Variants in FAM222A observed in about 807,000 individuals in gnomAD.
FAM222A encodes protein FAM222A.
Under a neutral mutation model 25.8 loss-of-function variants are expected in FAM222A, and 7 were observed. The observed-to-expected ratio is 0.27, with a 90% CI of 0.15 to 0.51. FAM222A has a LOEUF of 0.51. Among genes scored for constraint, FAM222A ranks in the 20% least tolerant of loss-of-function variants. The pLI is 0.97. For synonymous variants in FAM222A, 294 were observed against 298.8 expected, an observed-to-expected ratio of 0.98 and a Z score of 0.17; for missense variants, 573 against 640.5, an observed-to-expected ratio of 0.89 and a Z score of 1.14.
chr12:109,717,857 C>T (rs1474478239), intron 1 of FAM222A, among the ~76,000 whole-genome samples: 1 of 152,190 alleles, frequency 6.6e-6, no homozygotes. Context: ...TAGGGCTGCT[C>T]TGGACTAAAC....
At chr12:109,723,470 C>T (rs1447348048) in intron 1 of FAM222A, among the ~76,000 whole-genome samples, 1 of 152,192 alleles carries the variant, frequency 6.6e-6, no homozygotes, top group Non-Finnish European at 1.5e-5. Flanking sequence ...CATTATGGTT[C>T]GCCCCACCCA....
At chr12:109,721,542 G>T (rs1244899830) in intron 1 of FAM222A, among the ~76,000 whole-genome samples, 1 of 152,144 alleles carries the variant, frequency 6.6e-6, no homozygotes, top group South Asian at 2.1e-4. Context: ...GGCAGGCAGC[G>T]CCAATCAATC....
chr12:109,729,145 A>G (rs1167507963), intron 1 of FAM222A, among the ~76,000 whole-genome samples: 1 of 152,210 alleles, frequency 6.6e-6, no homozygotes. Flanking sequence ...CACCCTCAGG[A>G]CACATCAGCC....
chr12:109,732,094 G>A (rs1887959304), intron 1 of FAM222A, among the ~76,000 whole-genome samples: 1 of 152,064 alleles, frequency 6.6e-6, no homozygotes, highest in Admixed American at 6.5e-5. Flanking sequence ...GGTTGAGAGT[G>A]CAGGTCTAGA....
At chr12:109,721,521 C>T (rs555102197) in intron 1 of FAM222A, among the ~76,000 whole-genome samples, 79 of 152,362 alleles carry the variant, frequency 5.2e-4, no homozygotes, top group Admixed American at 9.1e-4. Flanking sequence ...TGGGTTCCTT[C>T]CAGGGCTCTG....
At chr12:109,765,460 C>T (rs570961273) in intron 2 of FAM222A, among the ~76,000 whole-genome samples, 12 of 152,334 alleles carry the variant, frequency 7.9e-5, no homozygotes, top group African/African-American at 2.2e-4. Flanking sequence ...TCTCTCCTCC[C>T]GAGTCATTTG....
chr12:109,757,951 G>A (rs1002385086), intron 2 of FAM222A, among the ~76,000 whole-genome samples: 1 of 152,212 alleles, frequency 6.6e-6, no homozygotes, highest in Non-Finnish European at 1.5e-5. Context: ...AGAGTAAGGT[G>A]TGGGCTCCCA....
At chr12:109,726,842 C>T (rs370440808) in intron 1 of FAM222A, among the ~76,000 whole-genome samples, 2 of 152,150 alleles carry the variant, frequency 1.3e-5, no homozygotes, top group Non-Finnish European at 2.9e-5. Context: ...AACCCCCATC[C>T]GCCCTTGCCT....
chr12:109,734,415 C>A (rs998007638), intron 1 of FAM222A: 2 of 151,844 alleles, frequency 1.3e-5, no homozygotes, highest in African/African-American at 4.8e-5. Flanking sequence ...GATCCGGCTC[C>A]GCAGAAAGCT....
rs1014285141 is a variant in FAM222A at position 109,768,383 on chromosome 12, A to T, written c.454A>T (p.Ser152Cys). Reference sequence around the variant, plus strand: ...GGGCATTGCGCCCTACCCAGTGCCCAGCACTCTGGGTCCCTTGGCCTACCC... The same window carrying T: ...GGGCATTGCGCCCTACCCAGTGCCCTGCACTCTGGGTCCCTTGGCCTACCC... ...QVGIAPYPVPSTLGPLAYPKP... is the reference protein window; with the variant it reads ...QVGIAPYPVPCTLGPLAYPKP... Residue 152 changes from serine (S) to cysteine (C), a missense_variant, in exon 3 of 3, where the codon AGC becomes TGC. Ser to Cys is a moderately radical substitution (Grantham distance 112). Around this residue, in one of 3 missense-constraint regions of FAM222A, gnomAD observed 412 missense variants for 407.0 expected, o/e 1.01. Transcript: ENST00000538780. 4 of 1,598,206 alleles carry T rather than the reference A, an allele frequency of 2.5e-6. No homozygotes were observed. In the Admixed American group the frequency reaches 5.0e-5, roughly 20 times the overall value.
intron 2 of FAM222A, among the ~76,000 whole-genome samples, chr12:109,749,877 GCCTTTTAAATTCACATTT>G (rs1238758734): frequency 6.6e-6 from 1 of 152,172 alleles, no homozygotes; most frequent in Non-Finnish European, 1.5e-5. Flanking sequence ...GGTAATCGCT[GCCTTTTAAATTCACATTT>G]TTCTTAAAAC....
At position 109,758,543 on chromosome 12, in the gene FAM222A, G is replaced by A. The variant is rs192748202; in HGVS notation, c.83-9469G>A. Among the ~76,000 whole-genome samples, 175 of 152,246 alleles carry A rather than the reference G, an allele frequency of 1.1e-3. 3 individuals are homozygous for A. The South Asian group carries it at 0.031, about 27-fold the overall frequency. On this transcript the variant is annotated intron_variant, in intron 2 of 2. Transcript: ENST00000538780. Reference sequence around the variant, plus strand: ...TCATTCGGCTGGGGCAGGGTCCCTGGGACAGCCAGGAAGGTATGGAGCAGC... The same window carrying A: ...TCATTCGGCTGGGGCAGGGTCCCTGAGACAGCCAGGAAGGTATGGAGCAGC...
intron 2 of FAM222A, among the ~76,000 whole-genome samples, chr12:109,748,638 C>T (rs375476783): frequency 1.3e-5 from 2 of 151,944 alleles, no homozygotes; most frequent in Non-Finnish European, 2.9e-5. Flanking sequence ...CCATTTTATC[C>T]GGGTCTTCAG....
chr12:109,719,446 A>G (rs60508757), intron 1 of FAM222A, among the ~76,000 whole-genome samples: 15,981 of 152,166 alleles, frequency 0.11, 1,722 homozygotes, highest in East Asian at 0.43. Flanking sequence ...AAGACTGAGC[A>G]AGGACACCCT....
intron 2 of FAM222A, among the ~76,000 whole-genome samples, chr12:109,754,167 G>C (rs897047313): frequency 6.6e-6 from 1 of 152,298 alleles, no homozygotes; most frequent in East Asian, 1.9e-4. Context: ...ACAAAGATCC[G>C]AATCACTGCT....
intron 2 of FAM222A, among the ~76,000 whole-genome samples, chr12:109,764,722 AG>A (rs1405940716): frequency 6.6e-6 from 1 of 152,218 alleles, no homozygotes; most frequent in Non-Finnish European, 1.5e-5. Flanking sequence ...ATTGCATAAA[AG>A]TGACATTTTT....
intron 1 of FAM222A, among the ~76,000 whole-genome samples, chr12:109,716,669 C>T (rs1358127903): frequency 6.6e-6 from 1 of 152,182 alleles, no homozygotes; most frequent in African/African-American, 2.4e-5. Context: ...ACTCGGAGTG[C>T]GCGCCAGAGA....
rs898089617 is a variant in FAM222A, at chr12:109,769,375, G to C, written c.*87G>C. ...AACAGGGTGGGCGGCTCGCAGGGGC[G>C]CTCAGCCCCACCCTGTGCCTGCTGA... On this transcript the variant is annotated 3_prime_UTR_variant, in exon 3 of 3. Transcript: ENST00000538780. 1 of 1,430,878 alleles carries C rather than the reference G, an allele frequency of 7.0e-7. No individual in the cohort carries two copies. Among genetic ancestry groups the C allele is most frequent in the African/African-American group, 1.4e-5 (1 of 70,720 alleles). 88.6% of individuals were successfully genotyped at this position (1,430,878 alleles called of 1,614,324 possible).
intron 2 of FAM222A, among the ~76,000 whole-genome samples, chr12:109,753,749 A>C (rs1332654041): frequency 7.1e-6 from 1 of 140,316 alleles, no homozygotes; most frequent in Non-Finnish European, 1.5e-5. Flanking sequence ...GACAGGCTGG[A>C]GCTACTGCCT....
Sources: gnomAD v4.1 joint callset for allele counts (sites outside exome capture counted in the v4.1 genomes callset) on GRCh38, gnomAD v4.1.1 for gene constraint, gnomAD v4.1.1 regional missense constraint, MANE v1.5 for transcripts, NCBI Gene and HGNC (gene_info 2026-07-23, HGNC 2026-07-21) for gene names.